Variants in RFX4 observed in about 807,000 individuals in gnomAD.
RFX4 encodes regulatory factor X4, also known as transcription factor RFX4.
In RFX4, 10 loss-of-function variants were observed where a neutral mutation model predicts 95.0. The ratio of observed to expected loss-of-function variants is 0.11; its 90% CI spans 0.06 to 0.18. The LOEUF is 0.18. Ranked by LOEUF, RFX4 falls within the 10% of genes least tolerant of loss-of-function variation. The probability of loss-of-function intolerance (pLI) is 1.00; values close to 1 mark genes in which losing one functional copy is unlikely to be tolerated. For missense variants in RFX4, 640 were observed against 922.0 expected (o/e 0.69, Z 3.96); for synonymous variants, 321 against 340.7 (o/e 0.94, Z 0.64).
chr12:106,627,836 G>C (rs951471274), intron 2 of RFX4, among the ~76,000 whole-genome samples: 17 of 152,328 alleles, frequency 1.1e-4, no homozygotes, highest in African/African-American at 4.1e-4. Flanking sequence ...GGGTGGTCAG[G>C]AGCTGTTTTG....
At chr12:106,654,410 C>T (rs2137320137) in intron 4 of RFX4, 59 bp downstream of exon 4, 1 of 1,565,798 alleles carries the variant, frequency 6.4e-7, no homozygotes, top group Non-Finnish European at 8.6e-7. Context: ...GTAATTTATG[C>T]ACAGTTTTAA....
At chr12:106,673,796 A>G (rs1297911909) in intron 4 of RFX4, among the ~76,000 whole-genome samples, 1 of 152,250 alleles carries the variant, frequency 6.6e-6, no homozygotes, top group Non-Finnish European at 1.5e-5. Flanking sequence ...TCAAAGAGGA[A>G]TGATTCTTTC....
intron 7 of RFX4, among the ~76,000 whole-genome samples, chr12:106,692,260 G>A (rs1366859917): frequency 1.3e-5 from 2 of 152,110 alleles, no homozygotes; most frequent in Admixed American, 6.5e-5. Flanking sequence ...TTGTGATTGA[G>A]TCTCAAATCT....
chr12:106,583,393 A>T lies in RFX4; in HGVS notation c.43+30A>T, dbSNP rs368947331. 42 of 1,538,136 alleles carry T rather than the reference A, an allele frequency of 2.7e-5. No homozygotes were observed. The Middle Eastern group carries it at 5.2e-4, about 19-fold the overall frequency. On this transcript the variant is annotated intron_variant, in intron 1 of 17. Coordinates refer to ENST00000392842, the MANE Select transcript of RFX4 (RefSeq NM_213594.3). ...GTCCTACTGGCGGGGTTGGGGGGAT[A>T]CATTGGGAGGGAAGGAGAAGGGAGA...
intron 1 of RFX4, among the ~76,000 whole-genome samples, chr12:106,588,902 C>T (rs938986980): frequency 1.3e-5 from 2 of 152,188 alleles, no homozygotes; most frequent in African/African-American, 4.8e-5. Context: ...CCAAGTTGGT[C>T]TGTTTGCCTC....
intron 15 of RFX4, among the ~76,000 whole-genome samples, chr12:106,737,162 G>GTTTTTTTTTTTTTTTTTTTTT: frequency 1.8e-5 from 1 of 54,926 alleles, no homozygotes; most frequent in Admixed American, 3.0e-4. Context: ...CGGAACTAAA[G>GTTTTTTTTTTTTTTTTTTTTT]TTTTTTTTTT....
intron 7 of RFX4, chr12:106,693,113 C>A (rs1246801907): frequency 2.2e-6 from 1 of 444,532 alleles, no homozygotes; most frequent in Admixed American, 2.4e-5. Context: ...TGCAGGGAAA[C>A]ACTGCATCTG....
intron 2 of RFX4, among the ~76,000 whole-genome samples, chr12:106,610,530 C>G (rs1020264164): frequency 3.3e-5 from 5 of 152,142 alleles, no homozygotes; most frequent in Non-Finnish European, 7.4e-5. Context: ...AATTTGACTG[C>G]TCTAAGTATC....
intron 6 of RFX4, among the ~76,000 whole-genome samples, chr12:106,689,047 G>A (rs115882549): frequency 0.016 from 2,436 of 152,190 alleles, 20 homozygotes; most frequent in African/African-American, 0.029. Context: ...AGAAACCAGC[G>A]CATTCCGTAT....
At chr12:106,587,689 G>A (rs1373054597) in intron 1 of RFX4, among the ~76,000 whole-genome samples, 3 of 152,218 alleles carry the variant, frequency 2.0e-5, no homozygotes, top group African/African-American at 7.2e-5. Flanking sequence ...GCCTCCCCAG[G>A]AGCCACAGGC....
intron 3 of RFX4, among the ~76,000 whole-genome samples, chr12:106,640,819 C>T (rs34956441): frequency 0.025 from 3,439 of 140,142 alleles, 53 homozygotes; most frequent in Middle Eastern, 0.04. Context: ...CTCACTCTGT[C>T]GCCCAGGCTG....
chr12:106,704,351 C>T (rs1430648393), intron 8 of RFX4, among the ~76,000 whole-genome samples: 5 of 152,192 alleles, frequency 3.3e-5, no homozygotes, highest in Non-Finnish European at 7.3e-5. Flanking sequence ...GCAATCTTAG[C>T]CTGCAAGGCT....
Position 106,709,395 on chromosome 12 carries a change from A to G in RFX4, c.899A>G (p.Asp300Gly). 1 of 1,612,980 alleles carries G rather than the reference A, an allele frequency of 6.2e-7. No homozygotes were observed. The highest frequency in any genetic ancestry group is 8.5e-7 in the Non-Finnish European group (1 of 1,179,788). The change falls in exon 9 of 18, where the codon GAC becomes GGC. Residue 300 changes from aspartate to glycine, a missense_variant. By Grantham distance (94) the Asp-to-Gly change is moderately conservative. Coordinates refer to ENST00000392842, the MANE Select transcript of RFX4 (RefSeq NM_213594.3). ...LDEWLKVALH[D>G]LPENLRNIKF... ...GAGTGGCTAAAAGTGGCTCTCCACG[A>G]CCTCCCAGAAAACTTGCGAAACATC...
At chr12:106,648,629 T>G (rs1302485141) in intron 3 of RFX4, among the ~76,000 whole-genome samples, 3 of 149,000 alleles carry the variant, frequency 2.0e-5, no homozygotes, top group Non-Finnish European at 4.5e-5. Flanking sequence ...CTGTGGGGTT[T>G]TTTTTTTTTT....
chr12:106,696,260 C>G, intron 7 of RFX4, 23 bp from the exon 8 acceptor site: 1 of 1,613,498 alleles, frequency 6.2e-7, no homozygotes, highest in East Asian at 2.2e-5. Context: ...CCTCATGATT[C>G]TTCTCTCTGT....
At chr12:106,631,509 G>T (rs2040415560) in intron 2 of RFX4, among the ~76,000 whole-genome samples, 1 of 152,202 alleles carries the variant, frequency 6.6e-6, no homozygotes, top group African/African-American at 2.4e-5. Flanking sequence ...TTGGGGAAGG[G>T]TTAGGTCATG....
chr12:106,624,552 C>A (rs1307244177), intron 2 of RFX4, among the ~76,000 whole-genome samples: 1 of 152,108 alleles, frequency 6.6e-6, no homozygotes, highest in Non-Finnish European at 1.5e-5. Flanking sequence ...TGGTCTCAAT[C>A]TCTTGACCTC....
intron 1 of RFX4, among the ~76,000 whole-genome samples, chr12:106,597,316 C>G (rs1280365873): frequency 6.6e-6 from 1 of 151,904 alleles, no homozygotes; most frequent in African/African-American, 2.4e-5. Flanking sequence ...GCAGAGCTTA[C>G]TTAGTCAATT....
chr12:106,761,509 A>T lies in RFX4; in HGVS notation c.*40A>T. The T allele has an allele frequency of 8.0e-7, 1 of 1,255,020 alleles. No individual in the cohort carries two copies. Among genetic ancestry groups the T allele is most frequent in the Non-Finnish European group, 1.0e-6 (1 of 976,548 alleles). 77.7% of individuals were successfully genotyped at this position (1,255,020 alleles called of 1,614,324 possible). ...ATCCATATTTAATATTAATAATAAT[A>T]ATTAATAATAATAATAAACCCAACA... On this transcript the variant is annotated 3_prime_UTR_variant, in exon 18 of 18. Transcript: ENST00000392842.
Sources: gnomAD v4.1 joint callset for allele counts (sites outside exome capture counted in the v4.1 genomes callset) on GRCh38, gnomAD v4.1.1 for gene constraint, MANE v1.5 for transcripts, NCBI Gene and HGNC (gene_info 2026-07-23, HGNC 2026-07-21) for gene names.